Variants in CTBP2 observed in about 807,000 individuals in gnomAD.
CTBP2 encodes C-terminal-binding protein 2.
CTBP2 carries 30 observed loss-of-function variants against 80.3 expected under a neutral mutation model. That is an observed-to-expected ratio of 0.37 (90% CI 0.28 to 0.51). The LOEUF (loss-of-function observed/expected upper bound fraction) is 0.51. Among genes scored for constraint, CTBP2 ranks in the 20% least tolerant of loss-of-function variants. The probability of loss-of-function intolerance (pLI) is 0.93; values close to 1 mark genes in which losing one functional copy is unlikely to be tolerated. For missense variants in CTBP2, 1,212 were observed against 1,375.3 expected (o/e 0.88, Z 1.88); for synonymous variants, 594 against 587.4 (o/e 1.01, Z -0.16).
chr10:125,089,126 G>A (rs913080618), intron 2 of CTBP2, among the ~76,000 whole-genome samples: 18 of 152,110 alleles, frequency 1.2e-4, no homozygotes, highest in Admixed American at 9.8e-4. Flanking sequence ...AACAAGCTGC[G>A]ACCTACATAG....
In CTBP2 at chr10:124,989,693, G is replaced by A. The variant is rs767182849; in HGVS notation, c.2783C>T (p.Pro928Leu). The change falls in exon 9 of 9, where the codon CCG becomes CTG. Residue 928 changes from proline (P) to leucine (L), a missense_variant. By Grantham distance (98) the Pro-to-Leu change is moderately conservative. Transcript: ENST00000309035. ...TGGAGCCACACCCACGATGCCTGGC[G>A]GATATCTAAGGAACACACAGAAATA... is the stretch of plus-strand genomic sequence containing the variant. 3.2e-6 allele frequency: 5 copies of A among 1,570,538 alleles called. No homozygotes were observed. Among genetic ancestry groups the A allele is most frequent in the Non-Finnish European group, 4.3e-6 (5 of 1,158,448 alleles).
intron 1 of CTBP2, among the ~76,000 whole-genome samples, chr10:125,159,110 G>C (rs1331792432): frequency 6.6e-6 from 1 of 150,602 alleles, no homozygotes; most frequent in Non-Finnish European, 1.5e-5. Flanking sequence ...CAGCGCGAGG[G>C]AGAGAAAGAA....
chr10:125,144,139 G>A (rs998779368), intron 1 of CTBP2, among the ~76,000 whole-genome samples: 1 of 152,156 alleles, frequency 6.6e-6, no homozygotes, highest in Non-Finnish European at 1.5e-5. Flanking sequence ...GGACACCCGT[G>A]GATGCTCTTT....
intron 1 of CTBP2, among the ~76,000 whole-genome samples, chr10:125,010,384 C>T (rs916965842): frequency 8.5e-5 from 13 of 152,200 alleles, no homozygotes; most frequent in East Asian, 1.9e-4. Flanking sequence ...CCAGAGGCTG[C>T]GATTTCATTT....
Position 125,027,539 on chromosome 10 carries a change from G to A in CTBP2, c.221C>T (p.Ala74Val). The stretch of plus-strand genomic sequence containing the variant: ...TCTTGCAGCCACTGAGTTATAAACG[G>A]CCTCCCGGTACAGGTAGGGCTCGGC... The change falls in exon 1 of 9, where the codon GCC becomes GTC. Residue 74 changes from alanine to valine, a missense_variant. By Grantham distance (64) the Ala-to-Val change is moderately conservative (BLOSUM62 0). This residue lies in a region of CTBP2 where 848 missense variants were observed against 782.3 expected (regional missense o/e 1.08). Transcript: ENST00000309035. The A allele has an allele frequency of 6.2e-7, 1 of 1,614,142 alleles. No homozygotes were observed. Among genetic ancestry groups the A allele is most frequent in the Non-Finnish European group, 8.5e-7 (1 of 1,180,030 alleles).
Position 124,993,655 on chromosome 10 carries a change from T to C in CTBP2, c.2531+200A>G, listed in dbSNP as rs1953032149. ...ACCAATTTTCTGCCTCTCCTTTCCCTGATGACCTCTGGGAAACTTCCAGCC... is the reference window on the plus strand; with the variant it reads ...ACCAATTTTCTGCCTCTCCTTTCCCCGATGACCTCTGGGAAACTTCCAGCC... On this transcript the variant is annotated intron_variant, in intron 6 of 8. Transcript: ENST00000309035. Among the ~76,000 whole-genome samples the C allele has an allele frequency of 2.0e-5, 3 of 152,214 alleles. No individual in the cohort carries two copies. In the South Asian group the frequency reaches 6.2e-4, roughly 31 times the overall value.
At chr10:125,120,891 A>G (rs879819833) in intron 1 of CTBP2, among the ~76,000 whole-genome samples, 2 of 152,184 alleles carry the variant, frequency 1.3e-5, no homozygotes, top group Non-Finnish European at 2.9e-5. Flanking sequence ...ACTGACTGGG[A>G]AAGTGAAGTT....
chr10:125,147,930 G>A (rs1010104605), intron 1 of CTBP2, among the ~76,000 whole-genome samples: 2 of 151,972 alleles, frequency 1.3e-5, no homozygotes, highest in African/African-American at 2.4e-5. Flanking sequence ...AAACACATAC[G>A]GTACGTCAGG....
chr10:125,130,304 A>G (rs1855954894), intron 1 of CTBP2, among the ~76,000 whole-genome samples: 1 of 151,982 alleles, frequency 6.6e-6, no homozygotes, highest in Admixed American at 6.6e-5. Context: ...CACCTCTGCC[A>G]CCCAAAAATG....
At chr10:125,108,427 CT>C in intron 2 of CTBP2, among the ~76,000 whole-genome samples, 6 of 152,236 alleles carry the variant, frequency 3.9e-5, no homozygotes, top group African/African-American at 1.4e-4. Context: ...CTACCTCCTT[CT>C]TCTGTGCCCA....
At chr10:125,006,144 C>T in intron 1 of CTBP2, 1 of 492,366 alleles carries the variant, frequency 2.0e-6, no homozygotes. Context: ...CCTCTACCCT[C>T]CCTGATGGCC....
intron 2 of CTBP2, among the ~76,000 whole-genome samples, chr10:125,048,349 C>T (rs1961783659): frequency 2.0e-5 from 3 of 152,278 alleles, no homozygotes; most frequent in Middle Eastern, 3.4e-3. Flanking sequence ...CTACAAGCAC[C>T]TGGAGAAAAT....
chr10:125,095,458 T>A (rs183092280), intron 2 of CTBP2, among the ~76,000 whole-genome samples: 2 of 152,160 alleles, frequency 1.3e-5, no homozygotes, highest in African/African-American at 4.8e-5. Flanking sequence ...AGGAGCCTCA[T>A]CTCACCACAG....
chr10:125,040,226 G>A (rs1388735534), intron 2 of CTBP2, among the ~76,000 whole-genome samples: 3 of 152,046 alleles, frequency 2.0e-5, no homozygotes, highest in Non-Finnish European at 2.9e-5. Flanking sequence ...AGGCCGAGGC[G>A]GGCAGATCAC....
At chr10:125,107,482 C>T (rs143827940) in intron 2 of CTBP2, among the ~76,000 whole-genome samples, 4 of 152,364 alleles carry the variant, frequency 2.6e-5, no homozygotes, top group African/African-American at 9.6e-5. Context: ...CATTGACAAT[C>T]GGACCCCAAG....
intron 2 of CTBP2, among the ~76,000 whole-genome samples, chr10:125,109,856 T>C (rs747189061): frequency 1.3e-5 from 2 of 152,246 alleles, no homozygotes; most frequent in African/African-American, 2.4e-5. Flanking sequence ...ACTTGCTCAG[T>C]CACCAAGCTG....
At chr10:125,118,478 A>T (rs61199401) in intron 1 of CTBP2, among the ~76,000 whole-genome samples, 2 of 152,128 alleles carry the variant, frequency 1.3e-5, no homozygotes, top group Non-Finnish European at 2.9e-5. Context: ...AGAAAAGTGG[A>T]TCCACGAGCA....
chr10:125,081,936 C>A (rs1187120052), intron 2 of CTBP2, among the ~76,000 whole-genome samples: 1 of 152,050 alleles, frequency 6.6e-6, no homozygotes, highest in Non-Finnish European at 1.5e-5. Context: ...GAGAACCCAC[C>A]CTGTCTCTAC....
At chr10:125,041,302 C>T (rs201271241) in intron 2 of CTBP2, among the ~76,000 whole-genome samples, 28 of 152,250 alleles carry the variant, frequency 1.8e-4, no homozygotes, top group African/African-American at 6.5e-4. Flanking sequence ...AGACTGGTCT[C>T]GAACTCCTGA....
Sources: gnomAD v4.1 joint callset for allele counts (sites outside exome capture counted in the v4.1 genomes callset) on GRCh38, gnomAD v4.1.1 for gene constraint, gnomAD v4.1.1 regional missense constraint, MANE v1.5 for transcripts, NCBI Gene and HGNC (gene_info 2026-07-23, HGNC 2026-07-21) for gene names.